DMD: variants seen among roughly 807,000 people sequenced by gnomAD.
The protein encoded by DMD is mutant dystrophin.
DMD carries 63 observed loss-of-function variants against 330.1 expected under a neutral mutation model. The observed-to-expected ratio is 0.19, with a 90% confidence interval of 0.16 to 0.24. DMD has a LOEUF of 0.24. Among genes scored for constraint, DMD ranks in the 10% least tolerant of loss-of-function variants. DMD has a pLI of 1.00. For synonymous variants in DMD, 1,223 were observed against 959.8 expected (o/e 1.27, Z -5.07); for missense variants, 3,344 against 2,684.1 (o/e 1.25, Z -5.43).
chrX:31,837,607 G>A (rs184481126), intron 48 of DMD, among the ~76,000 whole-genome samples: 1,218 of 111,679 alleles, frequency 0.011, 6 homozygotes, highest in Non-Finnish European at 0.017. Flanking sequence ...ATTAATCAAT[G>A]TCAGGCATCA....
intron 62 of DMD, among the ~76,000 whole-genome samples, chrX:31,267,106 A>G (rs1165793809): frequency 4.7e-5 from 3 of 63,566 alleles, no homozygotes; most frequent in Non-Finnish European, 1.1e-4. Context: ...AAAAGAAAAG[A>G]GAAAGAAAGA....
intron 43 of DMD, among the ~76,000 whole-genome samples, chrX:32,220,988 G>A (rs903480956): frequency 3.6e-5 from 4 of 111,071 alleles, no homozygotes; most frequent in South Asian, 3.8e-4. Flanking sequence ...CTCATTCACC[G>A]TGCAACCGGT....
chrX:31,626,037 T>C (rs1337941897), intron 55 of DMD, among the ~76,000 whole-genome samples: 2 of 111,163 alleles, frequency 1.8e-5, no homozygotes, highest in Admixed American at 9.6e-5. Context: ...CAGGCTGGAG[T>C]GCAGTGGCGC....
chrX:32,776,462 GACTC>G (rs2074159308), intron 7 of DMD, among the ~76,000 whole-genome samples: 1 of 110,961 alleles, frequency 9.0e-6, no homozygotes, highest in Non-Finnish European at 1.9e-5. Context: ...AGGATTAATA[GACTC>G]ACAGTTCTAC....
At chrX:33,066,917 A>G (rs1372823682) in intron 1 of DMD, among the ~76,000 whole-genome samples, 2 of 112,174 alleles carry the variant, frequency 1.8e-5, no homozygotes, top group East Asian at 2.8e-4. Context: ...AAGATTGACA[A>G]TACAACATGA....
At chrX:31,810,900 A>G (rs766453327) in intron 50 of DMD, among the ~76,000 whole-genome samples, 1 of 112,087 alleles carries the variant, frequency 8.9e-6, no homozygotes, top group South Asian at 3.7e-4. Flanking sequence ...ATTTCAAGCA[A>G]AAGTCCTTTC....
rs1269459669 is a variant in DMD at position 33,240,221 on chromosome X, CCTCT to C, written c.7+99034_7+99037del. ...TTTAACCGTTATCTTCATAATCCTC[CCTCT>C]CTCTTAACTACCTCACCTTCTGGTA... On this transcript the variant is annotated intron_variant, in intron 1 of 17. Transcript: ENST00000288447. 4.5e-5 allele frequency among the ~76,000 whole-genome samples: 5 copies of C among 111,277 alleles called. No individual in the cohort carries two copies. In the Admixed American group the frequency reaches 4.8e-4, roughly 11 times the overall value.
At chrX:32,328,705 T>C (rs761292973) in intron 41 of DMD, among the ~76,000 whole-genome samples, 1 of 109,819 alleles carries the variant, frequency 9.1e-6, no homozygotes, top group Admixed American at 9.7e-5. Context: ...AAAAAAACTA[T>C]TAGGGAACAT....
chrX:31,500,737 T>C (rs2070351346), intron 56 of DMD, among the ~76,000 whole-genome samples: 1 of 111,979 alleles, frequency 8.9e-6, no homozygotes, highest in African/African-American at 3.2e-5. Context: ...ACCTGAGAGA[T>C]TATAGTTCAA....
Position 32,595,629 on chromosome X carries a change from T to C in DMD, c.1602+128A>G. On this transcript the variant is annotated intron_variant, in intron 13 of 78. Coordinates refer to ENST00000357033, the MANE Select transcript of DMD (RefSeq NM_004006.3). Reference sequence around the variant, plus strand: ...AGCACTTCAGCTGATTATGAGTGTGTGTATATTGTACACATATTGTATTCT... The same window carrying C: ...AGCACTTCAGCTGATTATGAGTGTGCGTATATTGTACACATATTGTATTCT... The C allele has an allele frequency of 1.3e-5, 8 of 627,132 alleles. No homozygotes were observed. In the Admixed American group the frequency reaches 2.2e-4, roughly 17 times the overall value. The allele number at this position is 627,132 out of a possible 1,213,427, so 51.7% of individuals were successfully genotyped here.
intron 60 of DMD, among the ~76,000 whole-genome samples, chrX:31,349,403 A>C (rs375214085): frequency 6.1e-4 from 69 of 112,906 alleles, no homozygotes; most frequent in African/African-American, 2.1e-3. Flanking sequence ...CCTGGGTGAC[A>C]GAGTGAAACT....
At position 33,033,857 on chromosome X, in the gene DMD, CA is replaced by C. The variant is rs2094160508; in HGVS notation, c.32-13658del. Among the ~76,000 whole-genome samples, 8 of 111,614 alleles carry C rather than the reference CA, an allele frequency of 7.2e-5. No individual in the cohort carries two copies. In the South Asian group the frequency reaches 2.9e-3, roughly 41 times the overall value. On this transcript the variant is annotated intron_variant, in intron 1 of 78. Coordinates refer to ENST00000357033, the MANE Select transcript of DMD (RefSeq NM_004006.3). ...TTGGATTTTTATTATATAAAACAAA[CA>C]ATAGATTTTGAGGTTTTAAGGGAAT...
At chrX:31,770,447 G>GT (rs59098593) in intron 51 of DMD, among the ~76,000 whole-genome samples, 14,573 of 110,627 alleles carry the variant, frequency 0.13, 725 homozygotes, top group East Asian at 0.19. Flanking sequence ...GATATACTCT[G>GT]TTTTTTTTCC....
chrX:32,653,626 G>T (rs1279543725), intron 9 of DMD, among the ~76,000 whole-genome samples: 1 of 111,915 alleles, frequency 8.9e-6, no homozygotes, highest in Non-Finnish European at 1.9e-5. Flanking sequence ...GCTTAGGATT[G>T]ACCTGGCAAT....
intron 2 of DMD, among the ~76,000 whole-genome samples, chrX:32,982,740 A>C (rs1158793361): frequency 1.8e-5 from 2 of 111,986 alleles, no homozygotes; most frequent in African/African-American, 6.5e-5. Context: ...CCAGCAGTCG[A>C]AAGCAGCCTA....
intron 43 of DMD, among the ~76,000 whole-genome samples, chrX:32,242,103 A>T (rs1054809071): frequency 1.8e-5 from 2 of 111,958 alleles, no homozygotes; most frequent in East Asian, 5.6e-4. Flanking sequence ...CCTGAATCCT[A>T]ACCAAATTTC....
At chrX:32,693,246 T>C (rs905664562) in intron 9 of DMD, among the ~76,000 whole-genome samples, 2 of 112,138 alleles carry the variant, frequency 1.8e-5, no homozygotes, top group Admixed American at 1.9e-4. Flanking sequence ...CCTGCTGATA[T>C]GTTAATGTTA....
At chrX:31,384,857 C>T (rs930528424) in intron 60 of DMD, among the ~76,000 whole-genome samples, 3 of 112,089 alleles carry the variant, frequency 2.7e-5, no homozygotes, top group African/African-American at 9.7e-5. Flanking sequence ...TGTGATCTAC[C>T]TGTGAGGCAA....
intron 4 of DMD, among the ~76,000 whole-genome samples, chrX:32,827,063 C>T (rs56051257): frequency 2.0e-5 from 1 of 50,787 alleles, no homozygotes; most frequent in Non-Finnish European, 4.0e-5. Context: ...CGCACCCCCC[C>T]CCCACACACA....
Sources: gnomAD v4.1 joint callset for allele counts (sites outside exome capture counted in the v4.1 genomes callset) on GRCh38, gnomAD v4.1.1 for gene constraint, MANE v1.5 for transcripts, NCBI Gene and HGNC (gene_info 2026-07-23, HGNC 2026-07-21) for gene names.